The following THBS2 variants were observed in gnomAD, a reference collection of about 807,000 sequenced individuals.
The protein encoded by THBS2 is thrombospondin 2.
Under a neutral mutation model 135.2 loss-of-function variants are expected in THBS2, and 47 were observed. The ratio of observed to expected loss-of-function variants is 0.35; its 90% confidence interval spans 0.28 to 0.44. The LOEUF (loss-of-function observed/expected upper bound fraction) is 0.44, where lower values mean the gene tolerates loss of function less well. Ranked by LOEUF, THBS2 falls within the 20% of genes least tolerant of loss-of-function variation. The pLI is 1.00. For missense variants in THBS2, 1,288 were observed against 1,603.1 expected (o/e 0.80, Z 3.36); for synonymous variants, 639 against 633.8 (o/e 1.01, Z -0.12).
rs371131576 is a variant in THBS2 at position 169,220,273 on chromosome 6, C to T, written c.3436G>A (p.Ala1146Thr). The change falls in exon 21 of 22, where the codon GCT (alanine) becomes ACT (threonine). Residue 1146 changes from alanine to threonine, a missense_variant. Coordinates refer to ENST00000617924, the MANE Select transcript of THBS2 (RefSeq NM_003247.5). ...DSGPIYDQTY[A>T]GGRLGLFVFS... Reference sequence around the variant, plus strand: ...ACAAATAGACCCAGCCGCCCGCCAGCGTAGGTTTGGTCATAGATAGGTCCT... The same window carrying T: ...ACAAATAGACCCAGCCGCCCGCCAGTGTAGGTTTGGTCATAGATAGGTCCT... The T allele has an allele frequency of 3.4e-5, 55 of 1,613,802 alleles. No homozygotes were observed. The highest frequency in any genetic ancestry group is 1.4e-4 in the South Asian group (13 of 91,078).
At chr6:169,218,833 GGATGGATGGATGGATAA>G (rs1169042047) in intron 21 of THBS2, among the ~76,000 whole-genome samples, 3 of 87,554 alleles carry the variant, frequency 3.4e-5, no homozygotes, top group African/African-American at 1.5e-4. Context: ...TGGCTGAGAT[GGATGGATGGATGGATAA>G]GATGGATGGA....
intron 17 of THBS2, 21 bp from the exon 18 acceptor site, chr6:169,223,496 A>G (rs1779506752): frequency 2.5e-6 from 4 of 1,594,332 alleles, no homozygotes; most frequent in Non-Finnish European, 2.6e-6. Context: ...AGAACAAGCA[A>G]AAACAAAAAC....
intron 18 of THBS2, 75 bp from the exon 19 acceptor site, chr6:169,222,543 C>A (rs59244158): frequency 0.2 from 310,772 of 1,522,658 alleles, 33,199 homozygotes; most frequent in African/African-American, 0.33. Flanking sequence ...GCCTGTAATC[C>A]CAGCACTTTG....
Position 169,248,536 on chromosome 6 carries a change from G to T in THBS2, c.490C>A (p.His164Asn), listed in dbSNP as rs1562365683. The T allele has an allele frequency of 6.2e-7, 1 of 1,614,024 alleles. No individual in the cohort carries two copies. Among genetic ancestry groups the T allele is most frequent in the Non-Finnish European group, 8.5e-7 (1 of 1,180,048 alleles). The change falls in exon 3 of 22, where the codon CAC becomes AAC. Residue 164 changes from histidine to asparagine, a missense_variant. Around this residue, in one of 2 missense-constraint regions of THBS2, gnomAD observed 414 missense variants for 447.0 expected, o/e 0.93. Transcript: ENST00000617924. ...VQVAGETYSLHVGCDLIDSFA... is the reference protein window; with the variant it reads ...VQVAGETYSLNVGCDLIDSFA... ...CTGTCTATGAGGTCGCAGCCCACGTGCAAGCTGTAGGTCTCGCCAGCCACC... is the reference window on the plus strand; with the variant it reads ...CTGTCTATGAGGTCGCAGCCCACGTTCAAGCTGTAGGTCTCGCCAGCCACC...
intron 6 of THBS2, among the ~76,000 whole-genome samples, chr6:169,239,972 G>A (rs1425579067): frequency 6.6e-6 from 1 of 152,196 alleles, no homozygotes; most frequent in Non-Finnish European, 1.5e-5. Flanking sequence ...CTTCCTGGAA[G>A]GAGGGAAGAA....
At chr6:169,247,638 G>T (rs534862862) in intron 3 of THBS2, among the ~76,000 whole-genome samples, 1 of 152,006 alleles carries the variant, frequency 6.6e-6, no homozygotes, top group South Asian at 2.1e-4. Flanking sequence ...ACATGTGTGT[G>T]GTGTGCGTGC....
At position 169,217,759 on chromosome 6, in the gene THBS2, GA is replaced by G; in HGVS notation, c.*62del. 1 of 1,580,466 alleles carries G rather than the reference GA, an allele frequency of 6.3e-7. No homozygotes were observed. The highest frequency in any genetic ancestry group is 8.6e-7 in the Non-Finnish European group (1 of 1,157,216). On this transcript the variant is annotated 3_prime_UTR_variant, in exon 22 of 22. Coordinates refer to ENST00000617924, the MANE Select transcript of THBS2 (RefSeq NM_003247.5). ...AGAGAGAAGCCACAAGGACCACAAT[GA>G]ACTGAGGTGTCTAGGGACCATGGCA...
intron 2 of THBS2, 142 bp downstream of exon 2, chr6:169,250,591 T>C (rs376945635): frequency 1.3e-4 from 78 of 619,646 alleles, no homozygotes; most frequent in East Asian, 6.3e-4. Flanking sequence ...CAGAAGTAAG[T>C]TACTATTTGA....
chr6:169,218,907 T>C (rs1261060208), intron 21 of THBS2, among the ~76,000 whole-genome samples: 1 of 140,904 alleles, frequency 7.1e-6, no homozygotes, highest in Non-Finnish European at 1.5e-5. Flanking sequence ...GGTAAGTGGA[T>C]GAGATGAGTG....
At chr6:169,228,961 CA>C (rs1779737435) in intron 14 of THBS2, among the ~76,000 whole-genome samples, 1 of 148,382 alleles carries the variant, frequency 6.7e-6, no homozygotes, top group Admixed American at 6.7e-5. Context: ...CATATCAAAT[CA>C]TTTTATCATT....
chr6:169,232,220 G>A (rs756131200), intron 12 of THBS2, 22 bp from the exon 13 acceptor site: 174 of 1,611,050 alleles, frequency 1.1e-4, no homozygotes, highest in Non-Finnish European at 1.4e-4. Flanking sequence ...AGGGCTGCGG[G>A]GTTAGCGACA....
rs111487119 is a variant in THBS2, at chr6:169,241,949, T to C, written c.704A>G (p.Asn235Ser). 5 of 1,609,060 alleles carry C rather than the reference T, an allele frequency of 3.1e-6. No individual in the cohort carries two copies. The highest frequency in any genetic ancestry group is 1.6e-4 in the Middle Eastern group (1 of 6,066). The stretch of plus-strand genomic sequence containing the variant: ...CGTCTCTGTGTTCTCACTGATGGCG[T>C]TGATCTCAGCTGAGGGCAAGCGTAG... ...GCQQGQGAEINAISENTETLR... is the reference protein window; with the variant it reads ...GCQQGQGAEISAISENTETLR... Residue 235 changes from asparagine (N) to serine (S), a missense_variant, in exon 5 of 22, where the codon AAC becomes AGC. Asn to Ser is a conservative substitution (Grantham distance 46). This residue lies in a region of THBS2 where 414 missense variants were observed against 447.0 expected (regional missense o/e 0.93). Coordinates refer to ENST00000617924, the MANE Select transcript of THBS2 (RefSeq NM_003247.5). The surrounding 1 kb of genome is among the most constrained non-coding windows in gnomAD (Gnocchi z 5.5).
At chr6:169,250,927 C>T in intron 1 of THBS2, 121 bp from the exon 2 acceptor site, 1 of 547,084 alleles carries the variant, frequency 1.8e-6, no homozygotes, top group Non-Finnish European at 3.1e-6. Flanking sequence ...AACTCAGCAC[C>T]AACTGGATTT....
chr6:169,248,745 C>A lies in THBS2; in HGVS notation c.281G>T (p.Gly94Val), dbSNP rs1222881892. 1 of 1,613,432 alleles carries A rather than the reference C, an allele frequency of 6.2e-7. No individual in the cohort carries two copies. Among genetic ancestry groups the A allele is most frequent in the Non-Finnish European group, 8.5e-7 (1 of 1,180,002 alleles). Residue 94 changes from glycine (G) to valine (V), a missense_variant, in exon 3 of 22, where the codon GGC becomes GTC. Physicochemically the swap from Gly to Val is moderately radical, Grantham distance 109 (BLOSUM62 -3). Around this residue, in one of 2 missense-constraint regions of THBS2, gnomAD observed 414 missense variants for 447.0 expected, o/e 0.93. Transcript: ENST00000617924. ...FFLTAQLKQD[G>V]KSRGTLLALE... Reference sequence around the variant, plus strand: ...AGCCAACAGCGTGCCCCTGGACTTGCCGTCCTGCTTGAGCTGGGCCGTGAG... The same window carrying A: ...AGCCAACAGCGTGCCCCTGGACTTGACGTCCTGCTTGAGCTGGGCCGTGAG...
Position 169,237,635 on chromosome 6 carries a change from ACACTTGCTCAGACT to A in THBS2, c.1276_1289del (p.Ser426Ter). The A allele has an allele frequency of 6.2e-7, 1 of 1,612,504 alleles. No homozygotes were observed. On this transcript the variant is annotated frameshift_variant, in exon 8 of 22. Transcript: ENST00000617924. LOFTEE classifies it high-confidence loss of function. ...CTGCCCGACACTCACTGCGGGTGTCACACTTGCTCAGACTGCAAGCCCGTGTCTGGATGGAGGGC... is the reference window on the plus strand; with the variant it reads ...CTGCCCGACACTCACTGCGGGTGTCAGCAAGCCCGTGTCTGGATGGAGGGC...
At chr6:169,238,988 G>C (rs1263905597) in intron 7 of THBS2, among the ~76,000 whole-genome samples, 1 of 152,130 alleles carries the variant, frequency 6.6e-6, no homozygotes, top group Non-Finnish European at 1.5e-5. Flanking sequence ...ACTTGGGAAG[G>C]GAACTCGGGG....
At position 169,241,374 on chromosome 6, in the gene THBS2, T is replaced by C. The variant is rs1780286566; in HGVS notation, c.891+388A>G. On this transcript the variant is annotated intron_variant, in intron 5 of 21. Coordinates refer to ENST00000617924, the MANE Select transcript of THBS2 (RefSeq NM_003247.5). The surrounding 1 kb of genome is among the most constrained non-coding windows in gnomAD (Gnocchi z 5.5). ...CTTCAGCTATGCCAACATGCAGTCC[T>C]TGAAATAAAATTATTTTCCTCTGCA... Among the ~76,000 whole-genome samples, 1 of 152,128 alleles carries C rather than the reference T, an allele frequency of 6.6e-6. No individual in the cohort carries two copies. Among genetic ancestry groups the C allele is most frequent in the Non-Finnish European group, 1.5e-5 (1 of 68,022 alleles).
intron 20 of THBS2, 85 bp downstream of exon 20, chr6:169,221,345 G>C (rs2114973267): frequency 6.5e-6 from 8 of 1,229,970 alleles, no homozygotes; most frequent in African/African-American, 1.5e-5. Context: ...GAATTCACTT[G>C]AGCTTATTTG....
At chr6:169,227,034 C>T (rs1424108383) in intron 15 of THBS2, among the ~76,000 whole-genome samples, 8 of 152,200 alleles carry the variant, frequency 5.3e-5, no homozygotes, top group Non-Finnish European at 1.2e-4. Context: ...CGAGGAGCCC[C>T]CTGGCCACCA....
Sources: allele counts gnomAD v4.1 joint callset (sites outside exome capture counted in the v4.1 genomes callset), GRCh38; gene constraint gnomAD v4.1.1; regional missense constraint gnomAD v4.1.1; non-coding constraint Gnocchi (gnomAD v3.1); transcripts MANE v1.5; gene names NCBI Gene and HGNC (gene_info 2026-07-23, HGNC 2026-07-21).